Variants in ANKRD18A observed in about 807,000 individuals in gnomAD.
ANKRD18A encodes ankyrin repeat domain 18A, also known as ankyrin repeat domain-containing protein 18A.
ANKRD18A carries 72 observed loss-of-function variants against 110.6 expected under a neutral mutation model. That is an observed-to-expected ratio of 0.65 (90% confidence interval 0.54 to 0.79). The LOEUF is 0.79. Among genes scored for constraint, ANKRD18A ranks in the 30% least tolerant of loss-of-function variants. The pLI, the probability that ANKRD18A is intolerant of heterozygous loss-of-function variation, is 0.00. For missense variants in ANKRD18A, 934 were observed against 1,163.3 expected, an observed-to-expected ratio of 0.80 and a Z score of 2.87; for synonymous variants, 305 against 410.3, an observed-to-expected ratio of 0.74 and a Z score of 3.10.
chr9:38,617,448 AAAAC>A (rs199666410), intron 1 of ANKRD18A, among the ~76,000 whole-genome samples: 2,323 of 152,244 alleles, frequency 0.015, 47 homozygotes, highest in African/African-American at 0.049. Flanking sequence ...GCAAAACGAA[AAAAC>A]AAACAAACAA....
chr9:38,609,464 G>A (rs1386334887), intron 5 of ANKRD18A, among the ~76,000 whole-genome samples: 1 of 152,040 alleles, frequency 6.6e-6, no homozygotes, highest in Non-Finnish European at 1.5e-5. Context: ...CTGGGCGACT[G>A]AGCAAGACTC....
chr9:38,620,397 C>A lies in ANKRD18A; in HGVS notation c.-112G>T, dbSNP rs138549623. The A allele has an allele frequency of 4.3e-3, 5,594 of 1,287,950 alleles. 185 individuals are homozygous for A. In the African/African-American group the frequency reaches 0.078, roughly 18 times the overall value. The allele number at this position is 1,287,950 out of a possible 1,614,324, so 79.8% of individuals were successfully genotyped here. A position where few individuals can be genotyped will look rare whatever the true frequency, so the allele number is the denominator to read the frequency against. ...GCGATCTCCCCCGCAACCCGCGATCCCCCCCGCAACCCGCGATCCACCCCC... is the reference window on the plus strand; with the variant it reads ...GCGATCTCCCCCGCAACCCGCGATCACCCCCGCAACCCGCGATCCACCCCC... On this transcript the variant is annotated 5_prime_UTR_variant, in exon 1 of 16. Transcript: ENST00000399703.
intron 6 of ANKRD18A, among the ~76,000 whole-genome samples, chr9:38,605,160 G>C (rs1178132514): frequency 6.6e-6 from 1 of 152,160 alleles, no homozygotes; most frequent in East Asian, 1.9e-4. Flanking sequence ...ATTTCAGGTA[G>C]TAAATAAAAT....
chr9:38,572,240 T>A, intron 15 of ANKRD18A, 181 bp from the exon 16 acceptor site: 1 of 459,374 alleles, frequency 2.2e-6, no homozygotes, highest in South Asian at 3.3e-5. Context: ...CCAATTGTGG[T>A]TAAATATCAC....
chr9:38,615,697 T>A lies in ANKRD18A; in HGVS notation c.392A>T (p.Asp131Val), dbSNP rs750162944. Residue 131 changes from aspartate (D) to valine (V), a missense_variant, in exon 3 of 16, where the codon GAT becomes GTT. Physicochemically the swap from Asp to Val is radical, Grantham distance 152. Coordinates refer to ENST00000399703, the MANE Select transcript of ANKRD18A (RefSeq NM_147195.4). The stretch of plus-strand genomic sequence containing the variant: ...ATGGAGAGCAGTGTTGCCGTAGATA[T>A]CCTCAATGTTTGGATTGGCGCCACA... Reference protein sequence around the residue: ...LECGANPNIEDIYGNTALHYA... With the variant: ...LECGANPNIEVIYGNTALHYA... 43 of 1,612,618 alleles carry A rather than the reference T, an allele frequency of 2.7e-5. No individual in the cohort carries two copies. Among genetic ancestry groups the A allele is most frequent in the Non-Finnish European group, 3.5e-5 (41 of 1,179,880 alleles).
intron 10 of ANKRD18A, among the ~76,000 whole-genome samples, chr9:38,592,133 CTAAT>C (rs1391792866): frequency 2.6e-5 from 4 of 152,102 alleles, no homozygotes; most frequent in Non-Finnish European, 4.4e-5. Context: ...CTCTATTAGA[CTAAT>C]TGGTTTTAAT....
chr9:38,586,020 G>A (rs1824364362), intron 12 of ANKRD18A, among the ~76,000 whole-genome samples, 163 bp downstream of exon 12: 1 of 152,174 alleles, frequency 6.6e-6, no homozygotes, highest in Non-Finnish European at 1.5e-5. Flanking sequence ...TCAGGAGGGA[G>A]AGCATCAAGA....
chr9:38,566,519 C>G (rs1252286908), downstream of ANKRD18A: 4 of 152,240 alleles, frequency 2.6e-5, no homozygotes, highest in African/African-American at 9.6e-5. Context: ...ACCTTCTCAT[C>G]TGTCTTCTTT....
chr9:38,609,365 C>G (rs1011775140), intron 5 of ANKRD18A, among the ~76,000 whole-genome samples: 22 of 152,118 alleles, frequency 1.4e-4, no homozygotes, highest in Non-Finnish European at 2.4e-4. Context: ...CCTGTAGTCC[C>G]AGTTACTTGG....
intron 5 of ANKRD18A, among the ~76,000 whole-genome samples, chr9:38,609,059 A>G (rs1173340351): frequency 1.3e-5 from 2 of 152,236 alleles, no homozygotes; most frequent in Admixed American, 1.3e-4. Context: ...GTGGGCTACA[A>G]ATAAGATTTT....
intron 12 of ANKRD18A, among the ~76,000 whole-genome samples, chr9:38,579,190 C>A (rs750503529): frequency 6.6e-6 from 1 of 152,116 alleles, no homozygotes; most frequent in African/African-American, 2.4e-5. Context: ...AAAATAAACT[C>A]AGAATCGATT....
At chr9:38,569,787 AC>A (rs1445371259), downstream of ANKRD18A, among the ~76,000 whole-genome samples, 5 of 152,050 alleles carry the variant, frequency 3.3e-5, no homozygotes, top group African/African-American at 1.2e-4. Context: ...AGAGCCTCCC[AC>A]AGGTGCTCCC....
intron 8 of ANKRD18A, among the ~76,000 whole-genome samples, chr9:38,599,282 G>A (rs560774756): frequency 6.6e-6 from 1 of 152,262 alleles, no homozygotes; most frequent in East Asian, 1.9e-4. Context: ...GAATACCACA[G>A]AGTTAGACAC....
At chr9:38,568,795 T>G, downstream of ANKRD18A, 8 of 985,232 alleles carry the variant, frequency 8.1e-6, no homozygotes, top group South Asian at 3.8e-4. Context: ...TGACTGCTGC[T>G]GGGGGGACCA....
chr9:38,567,098 C>T (rs646116), downstream of ANKRD18A: 14 of 152,334 alleles, frequency 9.2e-5, no homozygotes, highest in East Asian at 3.9e-4. Flanking sequence ...AGCATATACA[C>T]GAAAATATTC....
intron 3 of ANKRD18A, among the ~76,000 whole-genome samples, chr9:38,615,114 A>T (rs141601141): frequency 0.015 from 2,336 of 152,252 alleles, 64 homozygotes; most frequent in African/African-American, 0.053. Flanking sequence ...TCATTACCTA[A>T]TTTCCAAGTG....
intron 12 of ANKRD18A, 51 bp from the exon 13 acceptor site, chr9:38,578,199 C>T (rs879168331): frequency 8.1e-6 from 12 of 1,483,046 alleles, no homozygotes; most frequent in South Asian, 2.7e-5. Context: ...TGAGAATAAT[C>T]CAATACAAAA....
chr9:38,612,156 C>T (rs1825647109), intron 3 of ANKRD18A, among the ~76,000 whole-genome samples: 1 of 152,084 alleles, frequency 6.6e-6, no homozygotes, highest in Non-Finnish European at 1.5e-5. Context: ...TTAAATACTC[C>T]ATGGGATTTC....
chr9:38,585,435 T>G (rs1224020944), intron 12 of ANKRD18A, among the ~76,000 whole-genome samples: 4 of 152,176 alleles, frequency 2.6e-5, no homozygotes, highest in Non-Finnish European at 5.9e-5. Flanking sequence ...TATTGATTTA[T>G]GATTTTCCCT....
Sources: gnomAD v4.1 joint callset for allele counts (sites outside exome capture counted in the v4.1 genomes callset) on GRCh38, gnomAD v4.1.1 for gene constraint, MANE v1.5 for transcripts, NCBI Gene and HGNC (gene_info 2026-07-23, HGNC 2026-07-21) for gene names.